The following NRTN variants were observed in gnomAD, a reference collection of about 807,000 sequenced individuals.
The protein encoded by NRTN is prepro-neurturin.
Under a neutral mutation model 7.5 loss-of-function variants are expected in NRTN, and 3 were observed. The ratio of observed to expected loss-of-function variants is 0.40; its 90% CI spans 0.18 to 1.03. The LOEUF (loss-of-function observed/expected upper bound fraction) is 1.03. Among genes scored for constraint, NRTN ranks in the 50% least tolerant of loss-of-function variants. NRTN has a pLI of 0.34. For synonymous variants in NRTN, 157 were observed against 146.6 expected (o/e 1.07, Z -0.51); for missense variants, 310 against 307.0 (o/e 1.01, Z -0.07).
At chr19:5,816,571 G>A (rs553966870) in intron 1 of NRTN, among the ~76,000 whole-genome samples, 4 of 152,080 alleles carry the variant, frequency 2.6e-5, no homozygotes, top group African/African-American at 9.6e-5. Flanking sequence ...TAGTAGAGAC[G>A]GGGTTTCACC....
intron 1 of NRTN, among the ~76,000 whole-genome samples, chr19:5,812,897 C>T (rs955544755): frequency 2.6e-5 from 4 of 152,150 alleles, no homozygotes; most frequent in African/African-American, 7.2e-5. Context: ...GAGGCACAGG[C>T]GCGCGAACAC....
In NRTN at chr19:5,824,339, GCTC is replaced by G. The variant is rs780992645; in HGVS notation, c.169+12_169+14del. The G allele has an allele frequency of 7.5e-6, 12 of 1,597,348 alleles. No individual in the cohort carries two copies. The highest frequency in any genetic ancestry group is 1.0e-5 in the Non-Finnish European group (12 of 1,174,360). The stretch of plus-strand genomic sequence containing the variant: ...GGATTGCCCGCCTGGCCCAGTGTAA[GCTC>G]CTCCTCTGTGTGGGGTCAGATACCC... On this transcript the variant is annotated splice_donor_region_variant and intron_variant, in intron 2 of 2. Coordinates refer to ENST00000303212, the MANE Select transcript of NRTN (RefSeq NM_004558.5).
chr19:5,811,153 C>T (rs2056989514), intron 1 of NRTN, among the ~76,000 whole-genome samples: 6 of 152,000 alleles, frequency 3.9e-5, no homozygotes, highest in Admixed American at 1.3e-4. Context: ...GCAGGAGAAC[C>T]GCTTGAACCC....
chr19:5,821,294 C>CAT (rs2057023681), intron 1 of NRTN, among the ~76,000 whole-genome samples: 1 of 49,130 alleles, frequency 2.0e-5, no homozygotes, highest in Non-Finnish European at 3.5e-5. Flanking sequence ...CAGTGCCTAG[C>CAT]TTTTTTTTTT....
intron 1 of NRTN, among the ~76,000 whole-genome samples, chr19:5,813,103 G>T (rs891251164): frequency 1.3e-5 from 2 of 152,130 alleles, no homozygotes; most frequent in Admixed American, 6.6e-5. Flanking sequence ...GGCCAGGCAT[G>T]GTGGCTCACA....
intron 1 of NRTN, among the ~76,000 whole-genome samples, chr19:5,821,630 T>TTCATTCACTCATTCATTCAC (rs372894646): frequency 6.7e-6 from 1 of 150,254 alleles, no homozygotes; most frequent in Admixed American, 6.7e-5. Flanking sequence ...TGTTCATTCA[T>TTCATTCACTCATTCATTCAC]TCATTCATTC....
At position 5,824,100 on chromosome 19, in the gene NRTN, T is replaced by C. The variant is rs1481124542; in HGVS notation, c.-66T>C. On this transcript the variant is annotated 5_prime_UTR_variant, in exon 2 of 3. Transcript: ENST00000303212. The stretch of plus-strand genomic sequence containing the variant: ...CACTGAGTCCTGGCCCAGCGCCCTG[T>C]GCCCGTTGGCTGCTGGAGGGACAGA... 4 of 1,588,286 alleles carry C rather than the reference T, an allele frequency of 2.5e-6. No individual in the cohort carries two copies. The highest frequency in any genetic ancestry group is 3.4e-6 in the Non-Finnish European group (4 of 1,170,726).
intron 2 of NRTN, among the ~76,000 whole-genome samples, chr19:5,825,123 G>A (rs1333871352): frequency 6.6e-6 from 1 of 152,048 alleles, no homozygotes; most frequent in East Asian, 1.9e-4. Flanking sequence ...CCAGAGATTC[G>A]AAGGGGTGAG....
In NRTN at chr19:5,824,303, C is replaced by T. The variant is rs2144767358; in HGVS notation, c.138C>T (p.Thr46=). The part of the protein sequence containing the change: ...ALVPLHRLPR[T]LDARIARLAQ... ...TCCCCCTGCACCGCCTGCCTCGAAC[C>T]CTGGACGCCCGGATTGCCCGCCTGG... Residue 46 remains threonine, a synonymous_variant, in exon 2 of 3, where the codon ACC becomes ACT. Coordinates refer to ENST00000303212, the MANE Select transcript of NRTN (RefSeq NM_004558.5). The T allele has an allele frequency of 1.2e-6, 2 of 1,607,830 alleles. No homozygotes were observed. Among genetic ancestry groups the T allele is most frequent in the Non-Finnish European group, 1.7e-6 (2 of 1,178,492 alleles).
intron 1 of NRTN, among the ~76,000 whole-genome samples, chr19:5,821,764 T>C (rs1392803445): frequency 6.6e-6 from 1 of 152,152 alleles, no homozygotes; most frequent in African/African-American, 2.4e-5. Flanking sequence ...GTCTAGGATT[T>C]GTTTAGATGC....
At chr19:5,805,566 C>T (rs2056972774) in intron 1 of NRTN, among the ~76,000 whole-genome samples, 115 bp downstream of exon 1, 1 of 151,932 alleles carries the variant, frequency 6.6e-6, no homozygotes, top group Non-Finnish European at 1.5e-5. Context: ...AGGGGATTCC[C>T]TCCTGCAGCA....
chr19:5,805,068 G>A lies in NRTN; in HGVS notation c.-782G>A, dbSNP rs2056970768. 6.8e-6 allele frequency among the ~76,000 whole-genome samples: 1 copy of A among 146,328 alleles called. No individual in the cohort carries two copies. The highest frequency in any genetic ancestry group is 2.5e-5 in the African/African-American group (1 of 40,676). On this transcript the variant is annotated 5_prime_UTR_variant, in exon 1 of 3. Transcript: ENST00000303212. ...CGAGCCGTCCGCGGCGGGACGGGCG[G>A]AGGCGGCGGGAGAGCGCGCCCTGAA... is the stretch of plus-strand genomic sequence containing the variant.
chr19:5,814,234 G>C (rs2056998686), intron 1 of NRTN, among the ~76,000 whole-genome samples: 1 of 151,024 alleles, frequency 6.6e-6, no homozygotes, highest in African/African-American at 2.5e-5. Flanking sequence ...AGCAAAGACA[G>C]TCATGGGCAC....
At position 5,815,945 on chromosome 19, in the gene NRTN, A is replaced by C. The variant is rs183146215; in HGVS notation, c.-398-7823A>C. 9.5e-3 allele frequency among the ~76,000 whole-genome samples: 1,446 copies of C among 151,770 alleles called. 23 individuals carry two copies. Among genetic ancestry groups the C allele is most frequent in the African/African-American group, 0.034 (1,385 of 41,326 alleles). On this transcript the variant is annotated intron_variant, in intron 1 of 2. Coordinates refer to ENST00000303212, the MANE Select transcript of NRTN (RefSeq NM_004558.5). The stretch of plus-strand genomic sequence containing the variant: ...TTTTTAGTAGAGATGGGGTTTTGCC[A>C]TGTTGGCCAGGCTGGTCTCGAACTC...
intron 2 of NRTN, among the ~76,000 whole-genome samples, chr19:5,824,987 C>T (rs1244136823): frequency 1.3e-5 from 2 of 151,822 alleles, no homozygotes; most frequent in South Asian, 2.1e-4. Context: ...TTGGCCCCCG[C>T]GGCGCAGCAG....
At chr19:5,818,400 A>G (rs1223476750) in intron 1 of NRTN, among the ~76,000 whole-genome samples, 1 of 152,126 alleles carries the variant, frequency 6.6e-6, no homozygotes, top group East Asian at 1.9e-4. Context: ...TGAGGATATG[A>G]GATGGCTGGG....
At position 5,805,419 on chromosome 19, in the gene NRTN, C is replaced by T. The variant is rs895999948; in HGVS notation, c.-431C>T. Among the ~76,000 whole-genome samples, 48 of 150,906 alleles carry T rather than the reference C, an allele frequency of 3.2e-4. No homozygotes were observed. The highest frequency in any genetic ancestry group is 1.1e-3 in the African/African-American group (47 of 41,278). Reference sequence around the variant, plus strand: ...GGGGCAGGGGCTGGGGCCGCGCGGCCGCCACTGACGGGTAGTCCGGCGCCC... The same window carrying T: ...GGGGCAGGGGCTGGGGCCGCGCGGCTGCCACTGACGGGTAGTCCGGCGCCC... On this transcript the variant is annotated 5_prime_UTR_variant, in exon 1 of 3. Transcript: ENST00000303212.
At chr19:5,820,536 G>A (rs1183326163) in intron 1 of NRTN, among the ~76,000 whole-genome samples, 2 of 138,910 alleles carry the variant, frequency 1.4e-5, no homozygotes, top group East Asian at 2.1e-4. Flanking sequence ...ACTACACTCA[G>A]CCTGGGCGAC....
intron 1 of NRTN, among the ~76,000 whole-genome samples, chr19:5,814,346 C>A (rs2056998946): frequency 6.6e-6 from 1 of 152,130 alleles, no homozygotes; most frequent in Non-Finnish European, 1.5e-5. Context: ...GCTGTAGGAG[C>A]TAGGGCTTTC....
Sources: allele counts gnomAD v4.1 joint callset (sites outside exome capture counted in the v4.1 genomes callset), GRCh38; gene constraint gnomAD v4.1.1; transcripts MANE v1.5; gene names NCBI Gene and HGNC (gene_info 2026-07-23, HGNC 2026-07-21).